DOCK2: variants seen among roughly 807,000 people sequenced by gnomAD.
DOCK2 encodes the protein dedicator of cytokinesis protein 2.
A neutral mutation model predicts 248.9 loss-of-function variants in DOCK2; 87 were observed. The observed-to-expected ratio is 0.35, with a 90% CI of 0.29 to 0.42. The LOEUF is 0.42. Among genes scored for constraint, DOCK2 ranks in the 10% least tolerant of loss-of-function variants. DOCK2 has a pLI of 1.00. For synonymous variants in DOCK2, 805 were observed against 821.6 expected (o/e 0.98, Z 0.35); for missense variants, 1,747 against 2,300.2 (o/e 0.76, Z 4.92).
intron 27 of DOCK2, among the ~76,000 whole-genome samples, chr5:169,965,802 A>C (rs138690169): frequency 1.5e-4 from 23 of 152,348 alleles, no homozygotes; most frequent in Non-Finnish European, 2.4e-4. Flanking sequence ...TGAGGCCTAT[A>C]GAGGTTAAAA....
chr5:170,057,428 C>A, intron 43 of DOCK2, 152 bp from the exon 44 acceptor site: 3 of 707,320 alleles, frequency 4.2e-6, no homozygotes, highest in Non-Finnish European at 2.6e-6. Flanking sequence ...AAGGTGAGAG[C>A]GTGTTTCTGG....
Position 169,944,710 on chromosome 5 carries a change from C to T in DOCK2, c.2800-38358C>T, listed in dbSNP as rs368419852. On this transcript the variant is annotated intron_variant, in intron 27 of 51. Coordinates refer to ENST00000520908, the MANE Select transcript of DOCK2 (RefSeq NM_004946.3). ...ATCTGGGATGCTGTAAACAGCTGAA[C>T]ATGTGGTGGCTCTCACCAGTGCTAG... is the stretch of plus-strand genomic sequence containing the variant. Among the ~76,000 whole-genome samples the T allele has an allele frequency of 1.8e-3, 279 of 152,326 alleles. 6 individuals carry two copies. In the South Asian group the frequency reaches 0.048, roughly 26 times the overall value.
intron 32 of DOCK2, among the ~76,000 whole-genome samples, 166 bp from the exon 33 acceptor site, chr5:170,018,794 T>C (rs554433940): frequency 1.8e-4 from 27 of 152,208 alleles, no homozygotes; most frequent in Admixed American, 6.5e-4. Context: ...AGTTAATATA[T>C]GTTAAGTGTT....
intron 27 of DOCK2, among the ~76,000 whole-genome samples, chr5:169,912,772 G>A (rs1774675585): frequency 6.6e-6 from 1 of 152,110 alleles, no homozygotes; most frequent in African/African-American, 2.4e-5. Context: ...ATCAAACATA[G>A]CAGGGTGGCA....
intron 27 of DOCK2, among the ~76,000 whole-genome samples, chr5:169,868,197 TAGAC>T (rs1561779261): frequency 6.6e-6 from 1 of 152,228 alleles, no homozygotes; most frequent in South Asian, 2.1e-4. Flanking sequence ...AACAGTAAGT[TAGAC>T]AGATGTGGAT....
chr5:169,731,813 A>G (rs1316885793), intron 22 of DOCK2, among the ~76,000 whole-genome samples: 1 of 152,116 alleles, frequency 6.6e-6, no homozygotes, highest in East Asian at 1.9e-4. Context: ...TAGGAGTGAT[A>G]AAATGAAGAG....
intron 46 of DOCK2, among the ~76,000 whole-genome samples, chr5:170,075,191 C>T (rs566457789): frequency 6.6e-6 from 1 of 152,234 alleles, no homozygotes; most frequent in South Asian, 2.1e-4. Context: ...GTTATGTTTC[C>T]CTGAGACCAC....
chr5:169,975,345 C>T (rs1050555889), intron 27 of DOCK2, among the ~76,000 whole-genome samples: 1 of 152,204 alleles, frequency 6.6e-6, no homozygotes, highest in African/African-American at 2.4e-5. Flanking sequence ...GCAGCTACAG[C>T]ATGTTTCTCA....
At chr5:169,702,236 C>A in intron 13 of DOCK2, 67 bp from the exon 14 acceptor site, 1 of 1,576,446 alleles carries the variant, frequency 6.3e-7, no homozygotes, top group South Asian at 1.2e-5. Context: ...TCCATCCCCT[C>A]TAGTTAGTCA....
At chr5:170,056,142 G>C (rs1321415745) in intron 42 of DOCK2, among the ~76,000 whole-genome samples, 2 of 152,234 alleles carry the variant, frequency 1.3e-5, no homozygotes, top group Non-Finnish European at 2.9e-5. Context: ...TGCCACAGCA[G>C]AGCAGGTGGA....
rs745386826 is a variant in DOCK2, at chr5:169,698,382, A to G, written c.988A>G (p.Ile330Val). ...RRPFGVAVMD[I>V]TDIIKGKAES... ...TTCTGTCTTCTTTCTAGTTATGGAT[A>G]TAACAGACATCATCAAGGGGAAAGC... Residue 330 changes from isoleucine to valine, a missense_variant, in exon 11 of 52, where the codon ATA becomes GTA. Transcript: ENST00000520908. 2.5e-6 allele frequency: 4 copies of G among 1,614,002 alleles called. No homozygotes were observed. The highest frequency in any genetic ancestry group is 1.7e-5 in the Admixed American group (1 of 60,034).
At chr5:170,055,175 C>T (rs1272741425) in intron 41 of DOCK2, 130 bp from the exon 42 acceptor site, 2 of 816,444 alleles carry the variant, frequency 2.4e-6, no homozygotes, top group African/African-American at 3.4e-5. Context: ...CAGCCAGCAA[C>T]CTGAGGTTCA....
At chr5:170,016,072 T>C (rs1755529259) in intron 32 of DOCK2, among the ~76,000 whole-genome samples, 1 of 152,278 alleles carries the variant, frequency 6.6e-6, no homozygotes, top group Middle Eastern at 3.4e-3. Flanking sequence ...AGAGAATTCA[T>C]GGGACCCCTT....
chr5:169,865,682 C>T lies in DOCK2; in HGVS notation c.2799+24830C>T, dbSNP rs562904866. The stretch of plus-strand genomic sequence containing the variant: ...AGAAGGCCCAAGGATGAGGAGCCAG[C>T]GTGGGAGTGTGGGAAGTGGAGGAAA... On this transcript the variant is annotated intron_variant, in intron 27 of 51. Coordinates refer to ENST00000520908, the MANE Select transcript of DOCK2 (RefSeq NM_004946.3). Among the ~76,000 whole-genome samples, 6 of 152,264 alleles carry T rather than the reference C, an allele frequency of 3.9e-5. No homozygotes were observed. In the South Asian group the frequency reaches 8.3e-4, roughly 21 times the overall value.
intron 21 of DOCK2, 107 bp downstream of exon 21, chr5:169,717,591 G>A: frequency 1.0e-6 from 1 of 986,784 alleles, no homozygotes; most frequent in Non-Finnish European, 1.6e-6. Flanking sequence ...TCATCTGTGT[G>A]AGCTCTCCAT....
At chr5:170,013,645 G>A (rs1215923993) in intron 32 of DOCK2, among the ~76,000 whole-genome samples, 1 of 152,096 alleles carries the variant, frequency 6.6e-6, no homozygotes, top group Non-Finnish European at 1.5e-5. Context: ...CCTCCAGAAG[G>A]AACTCAGTCT....
intron 26 of DOCK2, among the ~76,000 whole-genome samples, chr5:169,814,342 C>A (rs527602999): frequency 5.3e-5 from 8 of 152,272 alleles, no homozygotes; most frequent in African/African-American, 1.7e-4. Context: ...ATTAGACAAA[C>A]CCTAACTGAG....
In DOCK2 at chr5:169,840,908, G is replaced by T. The variant is rs1769922657; in HGVS notation, c.2799+56G>T. 5 of 1,568,796 alleles carry T rather than the reference G, an allele frequency of 3.2e-6. 1 individual carries two copies. Among genetic ancestry groups the T allele is most frequent in the South Asian group, 2.3e-5 (2 of 87,468 alleles). On this transcript the variant is annotated intron_variant, in intron 27 of 51. Coordinates refer to ENST00000520908, the MANE Select transcript of DOCK2 (RefSeq NM_004946.3). ...TGCAAGCTCTTCAGCATCTAAAAAT[G>T]GATTTTCTGAAAAGGCAGATCACAT...
intron 9 of DOCK2, among the ~76,000 whole-genome samples, chr5:169,691,410 C>T (rs977590549): frequency 1.1e-4 from 16 of 152,172 alleles, no homozygotes; most frequent in Admixed American, 2.6e-4. Flanking sequence ...CTTCTTATAT[C>T]GATCCAAGAG....
Sources: gnomAD v4.1 joint callset for allele counts (sites outside exome capture counted in the v4.1 genomes callset) on GRCh38, gnomAD v4.1.1 for gene constraint, MANE v1.5 for transcripts, NCBI Gene and HGNC (gene_info 2026-07-23, HGNC 2026-07-21) for gene names.